RALYL: variants seen among roughly 807,000 people sequenced by gnomAD.
RALYL encodes RNA-binding Raly-like protein.
Under a neutral mutation model 35.1 loss-of-function variants are expected in RALYL, and 29 were observed. That is an observed-to-expected ratio of 0.83 (90% CI 0.61 to 1.13). RALYL has a LOEUF of 1.13. Among genes scored for constraint, RALYL ranks in the 50% most tolerant of loss-of-function variants. The pLI is 0.00. For synonymous variants in RALYL, 120 were observed against 127.6 expected, an observed-to-expected ratio of 0.94 and a Z score of 0.40; for missense variants, 359 against 360.4, an observed-to-expected ratio of 1.00 and a Z score of 0.03.
In RALYL at chr8:84,650,550, A is replaced by G. The variant is rs1402426527; in HGVS notation, c.256+120973A>G. On this transcript the variant is annotated intron_variant, in intron 2 of 8. Transcript: ENST00000521268. Reference sequence around the variant, plus strand: ...CCATCTCACACCAGTTAGAATGGCAAACATTAAAAAGTCAGGAAACAACAG... The same window carrying G: ...CCATCTCACACCAGTTAGAATGGCAGACATTAAAAAGTCAGGAAACAACAG... 6.6e-5 allele frequency among the ~76,000 whole-genome samples: 10 copies of G among 152,190 alleles called. No individual in the cohort carries two copies. The South Asian group carries it at 1.5e-3, about 22-fold the overall frequency.
At chr8:84,374,912 A>T (rs1325665482) in intron 1 of RALYL, among the ~76,000 whole-genome samples, 1 of 151,882 alleles carries the variant, frequency 6.6e-6, no homozygotes, top group Non-Finnish European at 1.5e-5. Context: ...TAGAACACTA[A>T]AAACACAGTC....
At chr8:84,323,869 G>T (rs1208187445) in intron 1 of RALYL, among the ~76,000 whole-genome samples, 1 of 152,088 alleles carries the variant, frequency 6.6e-6, no homozygotes, top group African/African-American at 2.4e-5. Context: ...ACTCAGTGCA[G>T]AAATTGTTCT....
intron 1 of RALYL, among the ~76,000 whole-genome samples, chr8:84,265,138 G>A (rs1043174554): frequency 8.5e-5 from 13 of 152,088 alleles, no homozygotes; most frequent in African/African-American, 2.7e-4. Context: ...GTCCTTGTTG[G>A]TGTACACATA....
chr8:84,440,815 AAGCTACATAAT>A (rs36208581), intron 1 of RALYL, among the ~76,000 whole-genome samples: 70,545 of 151,542 alleles, frequency 0.47, 16,503 homozygotes, highest in Middle Eastern at 0.55. Flanking sequence ...AAGCTACATT[AAGCTACATAAT>A]AGCTACATAA....
chr8:84,185,016 T>G, intron 1 of RALYL: 1 of 1,614,000 alleles, frequency 6.2e-7, no homozygotes, highest in Non-Finnish European at 8.5e-7. Context: ...AACGACGCAG[T>G]AGGTCCTACC....
intron 3 of RALYL, among the ~76,000 whole-genome samples, chr8:84,791,206 T>G (rs144477585): frequency 2.0e-5 from 3 of 152,226 alleles, no homozygotes; most frequent in Non-Finnish European, 4.4e-5. Context: ...GCTGAGAACA[T>G]GACATTTGAG....
intron 2 of RALYL, among the ~76,000 whole-genome samples, chr8:84,730,168 T>G (rs1845867924): frequency 6.6e-6 from 1 of 151,890 alleles, no homozygotes. Flanking sequence ...CAGCAGCACA[T>G]CAAAAAGCTT....
chr8:84,455,965 C>T (rs1208262626), intron 1 of RALYL, among the ~76,000 whole-genome samples: 2 of 152,004 alleles, frequency 1.3e-5, no homozygotes, highest in Non-Finnish European at 2.9e-5. Context: ...AGTACCCCAA[C>T]CTCAACCTCA....
chr8:84,616,416 G>A (rs1172121666), intron 2 of RALYL, among the ~76,000 whole-genome samples: 1 of 149,628 alleles, frequency 6.7e-6, no homozygotes, highest in African/African-American at 2.5e-5. Flanking sequence ...GTCTGTTCAT[G>A]TCCTTTGCCC....
intron 6 of RALYL, among the ~76,000 whole-genome samples, chr8:84,872,247 A>G (rs538737088): frequency 6.6e-6 from 1 of 152,224 alleles, no homozygotes; most frequent in South Asian, 2.1e-4. Flanking sequence ...TCCATTATCC[A>G]TTTGCATACC....
At chr8:84,381,265 T>C (rs1177792075) in intron 1 of RALYL, among the ~76,000 whole-genome samples, 1 of 151,848 alleles carries the variant, frequency 6.6e-6, no homozygotes, top group African/African-American at 2.4e-5. Context: ...GTTTTAATAT[T>C]TATATTTAGA....
At chr8:84,611,730 A>G (rs1467310915) in intron 2 of RALYL, among the ~76,000 whole-genome samples, 2 of 152,112 alleles carry the variant, frequency 1.3e-5, no homozygotes, top group African/African-American at 4.8e-5. Context: ...TTTACACATT[A>G]CATGTCTGTT....
chr8:84,449,852 T>C (rs1192533620), intron 1 of RALYL, among the ~76,000 whole-genome samples: 1 of 152,040 alleles, frequency 6.6e-6, no homozygotes, highest in African/African-American at 2.4e-5. Context: ...GTTGTATACA[T>C]AGAGTTTCTC....
intron 2 of RALYL, among the ~76,000 whole-genome samples, chr8:84,761,380 T>C (rs1377331335): frequency 6.6e-6 from 1 of 152,074 alleles, no homozygotes; most frequent in Non-Finnish European, 1.5e-5. Context: ...ATCATTCAGT[T>C]CATTTATATT....
intron 1 of RALYL, among the ~76,000 whole-genome samples, chr8:84,501,801 A>T (rs2056687864): frequency 6.6e-6 from 1 of 150,586 alleles, no homozygotes; most frequent in Non-Finnish European, 1.5e-5. Context: ...AGCCAGGATT[A>T]GGACCTATAT....
At chr8:84,448,154 G>A (rs1399069721) in intron 1 of RALYL, among the ~76,000 whole-genome samples, 1 of 151,848 alleles carries the variant, frequency 6.6e-6, no homozygotes, top group East Asian at 1.9e-4. Flanking sequence ...GGAAGGAGTG[G>A]CCTCTCATAT....
intron 4 of RALYL, among the ~76,000 whole-genome samples, chr8:84,809,987 T>A (rs1429506217): frequency 6.6e-6 from 1 of 152,166 alleles, no homozygotes; most frequent in Non-Finnish European, 1.5e-5. Flanking sequence ...TTTCATTTAG[T>A]TCTGCTCTGA....
chr8:84,646,692 C>T lies in RALYL; in HGVS notation c.256+117115C>T, dbSNP rs993719587. Among the ~76,000 whole-genome samples, 5 of 151,974 alleles carry T rather than the reference C, an allele frequency of 3.3e-5. No individual in the cohort carries two copies. The East Asian group carries it at 5.8e-4, about 18-fold the overall frequency. On this transcript the variant is annotated intron_variant, in intron 2 of 8. Coordinates refer to ENST00000521268, the MANE Select transcript of RALYL (RefSeq NM_173848.7). ...GGTGTTTTGATTGCAGTGTTGTGGG[C>T]GGAGGGATTGGAGTGTTTTATTCCT...
At chr8:84,838,487 G>A (rs759478412) in intron 4 of RALYL, among the ~76,000 whole-genome samples, 1 of 152,136 alleles carries the variant, frequency 6.6e-6, no homozygotes, top group Non-Finnish European at 1.5e-5. Flanking sequence ...CTACTGCCAT[G>A]ACATTTCTGC....
Sources: allele counts gnomAD v4.1 joint callset (sites outside exome capture counted in the v4.1 genomes callset), GRCh38; gene constraint gnomAD v4.1.1; transcripts MANE v1.5; gene names NCBI Gene and HGNC (gene_info 2026-07-23, HGNC 2026-07-21).